Variants in COL22A1 observed in about 807,000 individuals in gnomAD.
COL22A1 encodes the protein collagen type XXII alpha 1 chain, also known as collagen alpha-1(XXII) chain.
COL22A1 carries 221 observed loss-of-function variants against 248.9 expected under a neutral mutation model. That is an observed-to-expected ratio of 0.89 (90% CI 0.80 to 0.99). The LOEUF (loss-of-function observed/expected upper bound fraction) is 0.99, where lower values mean the gene tolerates loss of function less well. COL22A1 is among the 50% of genes least tolerant of loss of function. COL22A1 has a pLI of 0.00. For synonymous variants in COL22A1, 891 were observed against 793.4 expected (o/e 1.12, Z -2.07); for missense variants, 2,240 against 2,179.0 (o/e 1.03, Z -0.56).
chr8:138,662,034 C>A lies in COL22A1; in HGVS notation c.3236G>T (p.Arg1079Leu). Reference sequence around the variant, plus strand: ...ACGCCATTTCTCTGTACTTACGTCCCGGCCGGCTGGGCCCTGGGGGCCAGG... The same window carrying A: ...ACGCCATTTCTCTGTACTTACGTCCAGGCCGGCTGGGCCCTGGGGGCCAGG... Reference protein sequence around the residue: ...GFPGPQGPAGRDGAPGNPGER... With the variant: ...GFPGPQGPAGLDGAPGNPGER... Residue 1079 changes from arginine to leucine, a missense_variant, in exon 43 of 65, where the codon CGG (arginine) becomes CTG (leucine). Transcript: ENST00000303045. The A allele has an allele frequency of 1.2e-6, 2 of 1,611,672 alleles. No homozygotes were observed. The highest frequency in any genetic ancestry group is 1.7e-6 in the Non-Finnish European group (2 of 1,178,840).
chr8:138,751,524 GA>G lies in COL22A1; in HGVS notation c.2032-14del. On this transcript the variant is annotated splice_polypyrimidine_tract_variant and intron_variant, in intron 21 of 64. Transcript: ENST00000303045. Reference sequence around the variant, plus strand: ...GGCCTATTGGACCCTTTAGGAGGGAGAAAAAGGAAAAAGAGAGAGAAACATA... The same window carrying G: ...GGCCTATTGGACCCTTTAGGAGGGAGAAAAGGAAAAAGAGAGAGAAACATA... 12 of 1,590,894 alleles carry G rather than the reference GA, an allele frequency of 7.5e-6. No homozygotes were observed. The highest frequency in any genetic ancestry group is 5.3e-5 in the Admixed American group (3 of 57,116).
chr8:138,841,838 G>A (rs1420649191), intron 4 of COL22A1, among the ~76,000 whole-genome samples: 1 of 152,162 alleles, frequency 6.6e-6, no homozygotes, highest in East Asian at 1.9e-4. Flanking sequence ...TAGATGCAAT[G>A]ACAGCAAAAG....
intron 41 of COL22A1, among the ~76,000 whole-genome samples, chr8:138,664,206 C>CGCGT (rs1554738571): frequency 3.6e-5 from 3 of 83,610 alleles, no homozygotes; most frequent in Non-Finnish European, 8.1e-5. Context: ...CGCGCGCGCG[C>CGCGT]GCGCACACAC....
chr8:138,676,441 G>GA (rs1447749831), intron 41 of COL22A1, 117 bp downstream of exon 41: 9 of 536,706 alleles, frequency 1.7e-5, no homozygotes, highest in Admixed American at 7.5e-5. Context: ...AAGAAAGAAA[G>GA]AAAGAAAGAA....
intron 3 of COL22A1, 55 bp from the exon 4 acceptor site, chr8:138,844,213 C>T: frequency 6.5e-7 from 1 of 1,535,666 alleles, no homozygotes; most frequent in Admixed American, 1.7e-5. Flanking sequence ...CCATCGTCAC[C>T]CTGTGAAATA....
chr8:138,637,921 A>G (rs1351433186), intron 47 of COL22A1, among the ~76,000 whole-genome samples: 1 of 152,104 alleles, frequency 6.6e-6, no homozygotes, highest in East Asian at 1.9e-4. Context: ...CAACATCAGC[A>G]CCACCAGAGC....
intron 1 of COL22A1, among the ~76,000 whole-genome samples, chr8:138,912,552 C>A (rs2132220256): frequency 6.6e-6 from 1 of 152,246 alleles, no homozygotes; most frequent in South Asian, 2.1e-4. Context: ...ACCAGTCTGA[C>A]CAACATGGAG....
Position 138,778,139 on chromosome 8 carries a change from G to A in COL22A1, c.1758+214C>T. 4.7e-6 allele frequency: 3 copies of A among 634,026 alleles called. No individual in the cohort carries two copies. In the South Asian group the frequency reaches 5.6e-5, roughly 12 times the overall value. The allele number at this position is 634,026 out of a possible 1,614,324, so 39.3% of individuals were successfully genotyped here. Reference sequence around the variant, plus strand: ...TTCTTGATGTGAGAAAGGGGTCCCAGGAATATGCATTTAAACTTGTTCTCT... The same window carrying A: ...TTCTTGATGTGAGAAAGGGGTCCCAAGAATATGCATTTAAACTTGTTCTCT... On this transcript the variant is annotated intron_variant, in intron 15 of 64. Transcript: ENST00000303045.
chr8:138,882,099 A>G (rs1049557210), intron 2 of COL22A1, among the ~76,000 whole-genome samples: 2 of 152,044 alleles, frequency 1.3e-5, no homozygotes, highest in Non-Finnish European at 2.9e-5. Flanking sequence ...AAACCTTCAC[A>G]GGACAACACA....
chr8:138,668,556 C>A (rs1488499630), intron 41 of COL22A1, among the ~76,000 whole-genome samples: 1 of 152,196 alleles, frequency 6.6e-6, no homozygotes, highest in Admixed American at 6.5e-5. Context: ...ACATTCTCTT[C>A]TTTCTCTGCT....
chr8:138,720,623 T>G, intron 27 of COL22A1, 116 bp downstream of exon 27: 1 of 854,206 alleles, frequency 1.2e-6, no homozygotes, highest in Non-Finnish European at 2.0e-6. Flanking sequence ...ATGTGTCTCC[T>G]GCCAGGTCCC....
chr8:138,634,202 C>T (rs1309456195), intron 49 of COL22A1, among the ~76,000 whole-genome samples: 1 of 152,100 alleles, frequency 6.6e-6, no homozygotes, highest in Non-Finnish European at 1.5e-5. Context: ...AGCTTAATTT[C>T]ATATATTTTA....
intron 49 of COL22A1, among the ~76,000 whole-genome samples, chr8:138,632,873 C>A (rs1820844965): frequency 6.6e-6 from 1 of 152,000 alleles, no homozygotes; most frequent in Non-Finnish European, 1.5e-5. Flanking sequence ...TAGATTTTTC[C>A]ACATAACTTT....
At position 138,834,112 on chromosome 8, in the gene COL22A1, G is replaced by A. The variant is rs140252906; in HGVS notation, c.734-962C>T. 1.8e-4 allele frequency among the ~76,000 whole-genome samples: 28 copies of A among 152,226 alleles called. No homozygotes were observed. In the East Asian group the frequency reaches 4.1e-3, roughly 22 times the overall value. ...TCAGAGGGGCCTGAGGACAACACTC[G>A]TTCTGGAGGCTAACAGTGTGACTCA... On this transcript the variant is annotated intron_variant, in intron 4 of 64. Transcript: ENST00000303045.
intron 47 of COL22A1, among the ~76,000 whole-genome samples, chr8:138,638,837 C>T (rs1217136364): frequency 6.6e-6 from 1 of 152,152 alleles, no homozygotes; most frequent in African/African-American, 2.4e-5. Context: ...TTTCAAATTC[C>T]AGTCCTCAGT....
At chr8:138,631,562 C>A (rs1050876293) in intron 49 of COL22A1, among the ~76,000 whole-genome samples, 1 of 152,162 alleles carries the variant, frequency 6.6e-6, no homozygotes, top group Non-Finnish European at 1.5e-5. Flanking sequence ...TGAAGAGATG[C>A]ACAGATGGAT....
chr8:138,599,458 G>A (rs561747103), intron 60 of COL22A1, among the ~76,000 whole-genome samples: 6 of 152,222 alleles, frequency 3.9e-5, no homozygotes, highest in South Asian at 2.1e-4. Flanking sequence ...CAGCCTGGGC[G>A]ACAGAGCAAG....
intron 9 of COL22A1, among the ~76,000 whole-genome samples, 190 bp from the exon 10 acceptor site, chr8:138,808,002 C>T (rs549795686): frequency 1.6e-4 from 24 of 152,280 alleles, no homozygotes; most frequent in Non-Finnish European, 2.5e-4. Context: ...CAAACCTATA[C>T]GGGAAGCTTT....
rs1814782817 is a variant in COL22A1, at chr8:138,779,633, G to A, written c.1651-71C>T. 2.9e-6 allele frequency: 3 copies of A among 1,020,854 alleles called. No individual in the cohort carries two copies. The South Asian group carries it at 3.8e-5, about 13-fold the overall frequency. The allele number at this position is 1,020,854 out of a possible 1,614,324, so 63.2% of individuals were successfully genotyped here. A position where few individuals can be genotyped will look rare whatever the true frequency, so the allele number is the denominator to read the frequency against. ...CCCAGGTACACCAGAGAAGCCCACA[G>A]TCTCCCAGGGCCTCTGCTTCCTGCA... On this transcript the variant is annotated intron_variant, in intron 13 of 64. Transcript: ENST00000303045.
Sources: gnomAD v4.1 joint callset for allele counts (sites outside exome capture counted in the v4.1 genomes callset) on GRCh38, gnomAD v4.1.1 for gene constraint, MANE v1.5 for transcripts, NCBI Gene and HGNC (gene_info 2026-07-23, HGNC 2026-07-21) for gene names.